Variants in VPS33B observed in about 807,000 individuals in gnomAD.
VPS33B encodes vacuolar protein sorting-associated protein 33B.
VPS33B carries 80 observed loss-of-function variants against 95.3 expected under a neutral mutation model. The ratio of observed to expected loss-of-function variants is 0.84; its 90% CI spans 0.70 to 1.01. The LOEUF (loss-of-function observed/expected upper bound fraction) is 1.01. Ranked by LOEUF, VPS33B falls within the 50% of genes least tolerant of loss-of-function variation. VPS33B has a pLI of 0.00. For synonymous variants in VPS33B, 280 were observed against 280.4 expected (o/e 1.00, Z 0.01); for missense variants, 715 against 773.4 (o/e 0.92, Z 0.90).
In VPS33B at chr15:91,009,292, T is replaced by C. The variant is rs141129831; in HGVS notation, c.403+509A>G. ...CTTTCTCTCTTTTCTTTTATTTTCT[T>C]TCTCTCTCTCTTTCTTTCTTCCTTC... On this transcript the variant is annotated intron_variant, in intron 6 of 22. Transcript: ENST00000333371. The surrounding 1 kb of genome is among the most constrained non-coding windows in gnomAD (Gnocchi z 4.1). Among the ~76,000 whole-genome samples, 1 of 109,528 alleles carries C rather than the reference T, an allele frequency of 9.1e-6. No individual in the cohort carries two copies. The highest frequency in any genetic ancestry group is 1.7e-5 in the Non-Finnish European group (1 of 57,962). 71.9% of individuals were successfully genotyped at this position (109,528 alleles called of 152,430 possible).
rs2040749362 is a variant in VPS33B at position 91,010,455 on chromosome 15, A to G, written c.358-609T>C. On this transcript the variant is annotated intron_variant, in intron 5 of 22. Transcript: ENST00000333371. The surrounding 1 kb of genome is among the most constrained non-coding windows in gnomAD (Gnocchi z 5.7). ...ATCTCTACAAAACAATGCAAAAATT[A>G]GCTGGGCATGGTGGTGTGTGCCTGT... Among the ~76,000 whole-genome samples, 1 of 152,134 alleles carries G rather than the reference A, an allele frequency of 6.6e-6. No homozygotes were observed. Among genetic ancestry groups the G allele is most frequent in the African/African-American group, 2.4e-5 (1 of 41,430 alleles).
intron 2 of VPS33B, 52 bp from the exon 3 acceptor site, chr15:91,017,076 A>G: frequency 6.4e-7 from 1 of 1,559,138 alleles, no homozygotes; most frequent in South Asian, 1.1e-5. Context: ...TGAAAAGCAC[A>G]AAGTGTGACA....
chr15:91,002,308 TGAG>T lies in VPS33B; in HGVS notation c.1273-129_1273-127del, dbSNP rs1277528053. ...CAGTGTGAAGGAGCTCACACTTTGT[TGAG>T]ATAAATTTTCACATCAGAAATAACC... On this transcript the variant is annotated intron_variant, in intron 17 of 22. Coordinates refer to ENST00000333371, the MANE Select transcript of VPS33B (RefSeq NM_018668.5). This position sits in a 1 kb window ranked among gnomAD's most constrained non-coding sequence, Gnocchi z 4.7. The T allele has an allele frequency of 1.4e-6, 2 of 1,381,592 alleles. No individual in the cohort carries two copies. Among genetic ancestry groups the T allele is most frequent in the Admixed American group, 2.0e-5 (1 of 50,352 alleles). 85.6% of individuals were successfully genotyped at this position (1,381,592 alleles called of 1,614,324 possible).
intron 19 of VPS33B, chr15:91,001,070 C>CT: frequency 2.7e-6 from 1 of 374,236 alleles, no homozygotes; most frequent in Non-Finnish European, 5.1e-6. Context: ...AATCCCAGCA[C>CT]TTTGGGAGGC....
At position 91,002,855 on chromosome 15, in the gene VPS33B, T is replaced by TG. The variant is rs1316574600; in HGVS notation, c.1272+229_1272+230insC. ...TCACACTGGGGCCAGCACTGAAATG[T>TG]TTAATTCTCAGCACTGGCCATGCGC... On this transcript the variant is annotated intron_variant, in intron 17 of 22. Transcript: ENST00000333371. This position sits in a 1 kb window ranked among gnomAD's most constrained non-coding sequence, Gnocchi z 4.7. Among the ~76,000 whole-genome samples, 1 of 524 alleles carries TG rather than the reference T, an allele frequency of 1.9e-3. No individual in the cohort carries two copies. 0.3% of individuals were successfully genotyped at this position (524 alleles called of 152,430 possible). A position where few individuals can be genotyped will look rare whatever the true frequency, so the allele number is the denominator to read the frequency against.
At position 90,999,805 on chromosome 15, in the gene VPS33B, A is replaced by G. The variant is rs752608302; in HGVS notation, c.1658-12T>C. Reference sequence around the variant, plus strand: ...TTCCTTAGTCATATCTGTGAGGATCAGACCAGATTCAGCCCTTCCCTGACA... The same window carrying G: ...TTCCTTAGTCATATCTGTGAGGATCGGACCAGATTCAGCCCTTCCCTGACA... On this transcript the variant is annotated splice_polypyrimidine_tract_variant and intron_variant, in intron 21 of 22. Coordinates refer to ENST00000333371, the MANE Select transcript of VPS33B (RefSeq NM_018668.5). This position sits in a 1 kb window ranked among gnomAD's most constrained non-coding sequence, Gnocchi z 5.1. The G allele has an allele frequency of 6.2e-7, 1 of 1,614,150 alleles. No homozygotes were observed. The highest frequency in any genetic ancestry group is 1.1e-5 in the South Asian group (1 of 91,078).
At chr15:91,017,373 T>A (rs1319769070) in intron 2 of VPS33B, among the ~76,000 whole-genome samples, 3,488 of 12,868 alleles carry the variant, frequency 0.27, 650 homozygotes, top group East Asian at 0.67. Context: ...ATTAAATATA[T>A]ATATATATAT....
rs2040405275 is a variant in VPS33B, at chr15:91,000,464, TG to T, written c.1581+25del. On this transcript the variant is annotated intron_variant, in intron 20 of 22. Coordinates refer to ENST00000333371, the MANE Select transcript of VPS33B (RefSeq NM_018668.5). This position sits in a 1 kb window ranked among gnomAD's most constrained non-coding sequence, Gnocchi z 4.9. ...GAAAGCAGAGAGAATGAAATATGAATGGGAGCAAGAATTACATGCTCTCACC... is the reference window on the plus strand; with the variant it reads ...GAAAGCAGAGAGAATGAAATATGAATGGAGCAAGAATTACATGCTCTCACC... The T allele has an allele frequency of 6.3e-7, 1 of 1,589,694 alleles. No homozygotes were observed. The highest frequency in any genetic ancestry group is 8.6e-7 in the Non-Finnish European group (1 of 1,161,702).
rs776162371 is a variant in VPS33B, at chr15:90,999,904, G to A, written c.1653C>T (p.Phe551=). 6 of 1,614,182 alleles carry A rather than the reference G, an allele frequency of 3.7e-6. No individual in the cohort carries two copies. Among genetic ancestry groups the A allele is most frequent in the Non-Finnish European group, 5.1e-6 (6 of 1,180,042 alleles). The part of the protein sequence containing the change: ...VRLLNCSDFA[F]TDMTKEDKAS... The stretch of plus-strand genomic sequence containing the variant: ...CCCACTGTTAATGCCACATACCTGT[G>A]AATGCAAAGTCACTGCAGTTGAGCA... The change falls in exon 21 of 23, where the codon TTC becomes TTT. Residue 551 remains phenylalanine, a synonymous_variant. Coordinates refer to ENST00000333371, the MANE Select transcript of VPS33B (RefSeq NM_018668.5). The surrounding 1 kb of genome is among the most constrained non-coding windows in gnomAD (Gnocchi z 5.1).
rs1378315194 is a variant in VPS33B, at chr15:91,007,068, TCA to T, written c.604-24_604-23del. The T allele has an allele frequency of 6.2e-7, 1 of 1,605,944 alleles. No individual in the cohort carries two copies. The highest frequency in any genetic ancestry group is 8.5e-7 in the Non-Finnish European group (1 of 1,179,474). Reference sequence around the variant, plus strand: ...CCATCTGCCAGGGCCCAAGACATTCTCAGTCTTGTGTCCAGGTCCCTACTGCA... The same window carrying T: ...CCATCTGCCAGGGCCCAAGACATTCTGTCTTGTGTCCAGGTCCCTACTGCA... On this transcript the variant is annotated intron_variant, in intron 8 of 22. Transcript: ENST00000333371. The surrounding 1 kb of genome is among the most constrained non-coding windows in gnomAD (Gnocchi z 5.3).
At position 91,009,775 on chromosome 15, in the gene VPS33B, T is replaced by TA. The variant is rs1192975189; in HGVS notation, c.403+25_403+26insT. 7.4e-6 allele frequency: 12 copies of TA among 1,613,986 alleles called. No individual in the cohort carries two copies. The South Asian group carries it at 9.9e-5, about 13-fold the overall frequency. On this transcript the variant is annotated intron_variant, in intron 6 of 22. Transcript: ENST00000333371. The surrounding 1 kb of genome is among the most constrained non-coding windows in gnomAD (Gnocchi z 4.1). ...TTTCTTCTGTATGTTCTCTTTCCCTTTCCACTCACATTCATCTCCTCTCAC... is the reference window on the plus strand; with the variant it reads ...TTTCTTCTGTATGTTCTCTTTCCCTTATCCACTCACATTCATCTCCTCTCAC...
rs540042570 is a variant in VPS33B at position 91,013,957 on chromosome 15, G to A, written c.290-86C>T. 6.7e-5 allele frequency: 101 copies of A among 1,501,286 alleles called. No homozygotes were observed. The African/African-American group carries it at 1.2e-3, about 18-fold the overall frequency. 93.0% of individuals were successfully genotyped at this position (1,501,286 alleles called of 1,614,324 possible). A position where few individuals can be genotyped will look rare whatever the true frequency, so the allele number is the denominator to read the frequency against. ...GAAGCTGCCGGGCACAGTGGTTCAC[G>A]CCTGTAATCCCAGCACTTGGGAGGC... On this transcript the variant is annotated intron_variant, in intron 4 of 22. Transcript: ENST00000333371. This position sits in a 1 kb window ranked among gnomAD's most constrained non-coding sequence, Gnocchi z 4.5.
chr15:91,017,397 T>A (rs377222124), intron 2 of VPS33B, among the ~76,000 whole-genome samples: 13,344 of 64,364 alleles, frequency 0.21, 3,468 homozygotes, highest in East Asian at 0.77. Flanking sequence ...TATATATATA[T>A]ATATATATAT....
At position 90,999,002 on chromosome 15, in the gene VPS33B, C is replaced by T; in HGVS notation, c.1827G>A (p.Met609Ile). 1.9e-6 allele frequency: 3 copies of T among 1,614,188 alleles called. No homozygotes were observed. Among genetic ancestry groups the T allele is most frequent in the Non-Finnish European group, 2.5e-6 (3 of 1,180,032 alleles). Reference protein sequence around the residue: ...TTAVTNSARLMEAMSEVKA With the variant: ...TTAVTNSARLIEAMSEVKA ...AGGCTTTCACCTCACTCATGGCCTC[C>T]ATAAGGCGAGCGCTGTTTGTGACTG... The change falls in exon 23 of 23, where the codon ATG becomes ATA. Residue 609 changes from methionine (M) to isoleucine (I), a missense_variant. Transcript: ENST00000333371. This position sits in a 1 kb window ranked among gnomAD's most constrained non-coding sequence, Gnocchi z 5.1.
At position 90,999,123 on chromosome 15, in the gene VPS33B, C is replaced by T. The variant is rs1028831820; in HGVS notation, c.1775-69G>A. The T allele has an allele frequency of 6.9e-7, 1 of 1,450,044 alleles. No homozygotes were observed. Among genetic ancestry groups the T allele is most frequent in the Non-Finnish European group, 9.6e-7 (1 of 1,038,708 alleles). The allele number at this position is 1,450,044 out of a possible 1,614,324, so 89.8% of individuals were successfully genotyped here. A position where few individuals can be genotyped will look rare whatever the true frequency, so the allele number is the denominator to read the frequency against. ...AGGCCCCAACGGCAACCCATAGAGCCTCTCCAGTTCCACAGTCCCCACGGG... is the reference window on the plus strand; with the variant it reads ...AGGCCCCAACGGCAACCCATAGAGCTTCTCCAGTTCCACAGTCCCCACGGG... On this transcript the variant is annotated intron_variant, in intron 22 of 22. Coordinates refer to ENST00000333371, the MANE Select transcript of VPS33B (RefSeq NM_018668.5). This position sits in a 1 kb window ranked among gnomAD's most constrained non-coding sequence, Gnocchi z 5.1.
At chr15:91,012,652 A>C in intron 5 of VPS33B, among the ~76,000 whole-genome samples, 1 of 152,164 alleles carries the variant, frequency 6.6e-6, no homozygotes, top group East Asian at 1.9e-4. Context: ...TGCATGCACT[A>C]CTTGCTGTAG....
Position 91,019,139 on chromosome 15 carries a change from T to TGC in VPS33B, c.97-1255_97-1254insGC, listed in dbSNP as rs1491358125. Among the ~76,000 whole-genome samples the TGC allele has an allele frequency of 5.3e-5, 4 of 76,006 alleles. No individual in the cohort carries two copies. The East Asian group carries it at 4.0e-3, about 77-fold the overall frequency. 49.9% of individuals were successfully genotyped at this position (76,006 alleles called of 152,430 possible). On this transcript the variant is annotated intron_variant, in intron 1 of 22. Transcript: ENST00000333371. ...GTTTTTTTTTTTTTTTTTTTTTTTT[T>TGC]AAAGATAGAGTCTTACTCTGTCGCC...
In VPS33B at chr15:91,002,234, A is replaced by T; in HGVS notation, c.1273-52T>A. ...ACTGAGTGTCCAAAGAGCATCTAGTACTGTCAGGTACTACAGAGTTGAGCA... is the reference window on the plus strand; with the variant it reads ...ACTGAGTGTCCAAAGAGCATCTAGTTCTGTCAGGTACTACAGAGTTGAGCA... On this transcript the variant is annotated intron_variant, in intron 17 of 22. Coordinates refer to ENST00000333371, the MANE Select transcript of VPS33B (RefSeq NM_018668.5). The surrounding 1 kb of genome is among the most constrained non-coding windows in gnomAD (Gnocchi z 4.7). 6.2e-7 allele frequency: 1 copy of T among 1,608,402 alleles called. No individual in the cohort carries two copies. The highest frequency in any genetic ancestry group is 1.1e-5 in the South Asian group (1 of 90,154).
At chr15:91,014,300 C>T (rs368752123) in intron 4 of VPS33B, 84 bp downstream of exon 4, 2 of 1,301,452 alleles carry the variant, frequency 1.5e-6, no homozygotes, top group Non-Finnish European at 2.2e-6. Flanking sequence ...CAATTATTTT[C>T]TTATTAGAGG....
Sources: gnomAD v4.1 joint callset for allele counts (sites outside exome capture counted in the v4.1 genomes callset) on GRCh38, gnomAD v4.1.1 for gene constraint, Gnocchi (gnomAD v3.1) non-coding constraint, MANE v1.5 for transcripts, NCBI Gene and HGNC (gene_info 2026-07-23, HGNC 2026-07-21) for gene names.